Variants in CDH7 observed in about 807,000 individuals in gnomAD.
CDH7 encodes the protein cadherin-7.
In CDH7, 25 loss-of-function variants were observed where a neutral mutation model predicts 71.8. The observed-to-expected ratio is 0.35, with a 90% CI of 0.25 to 0.49. The LOEUF (loss-of-function observed/expected upper bound fraction) is 0.49, where lower values mean the gene tolerates loss of function less well. Among genes scored for constraint, CDH7 ranks in the 20% least tolerant of loss-of-function variants. The pLI is 0.99. For missense variants in CDH7, 862 were observed against 974.6 expected, an observed-to-expected ratio of 0.88 and a Z score of 1.54; for synonymous variants, 381 against 363.8, an observed-to-expected ratio of 1.05 and a Z score of -0.54.
intron 2 of CDH7, among the ~76,000 whole-genome samples, chr18:65,781,874 C>CTCTTTCTCTCTTTCTCTCTT (rs1297059165): frequency 8.8e-6 from 1 of 113,268 alleles, no homozygotes; most frequent in African/African-American, 4.0e-5. Context: ...TTCTCTCTCT[C>CTCTTTCTCTCTTTCTCTCTT]TCTCTGTCTC....
chr18:65,844,929 A>G (rs914027239), intron 7 of CDH7, among the ~76,000 whole-genome samples: 1 of 151,114 alleles, frequency 6.6e-6, no homozygotes, highest in Admixed American at 6.6e-5. Context: ...TAAAACAACA[A>G]TGATTGTTTT....
intron 11 of CDH7, among the ~76,000 whole-genome samples, chr18:65,875,096 A>G (rs1031529393): frequency 3.9e-5 from 6 of 152,206 alleles, no homozygotes; most frequent in Non-Finnish European, 7.3e-5. Context: ...GTCATCAGCT[A>G]TCATTAGTGT....
Position 65,810,117 on chromosome 18 carries a change from A to G in CDH7, c.505+119A>G, listed in dbSNP as rs1911480966. ...AAACCTTACTAGTATGTGTGTATTGATTGTCAGTTAGGGTGAGGGGAACAT... is the reference window on the plus strand; with the variant it reads ...AAACCTTACTAGTATGTGTGTATTGGTTGTCAGTTAGGGTGAGGGGAACAT... On this transcript the variant is annotated intron_variant, in intron 3 of 11. Coordinates refer to ENST00000397968, the MANE Select transcript of CDH7 (RefSeq NM_004361.5). The G allele has an allele frequency of 6.2e-6, 5 of 810,468 alleles. No homozygotes were observed. The African/African-American group carries it at 8.7e-5, about 14-fold the overall frequency. The allele number at this position is 810,468 out of a possible 1,614,324, so 50.2% of individuals were successfully genotyped here.
chr18:65,857,555 A>T (rs1913409717), intron 7 of CDH7, among the ~76,000 whole-genome samples: 1 of 151,926 alleles, frequency 6.6e-6, no homozygotes, highest in East Asian at 1.9e-4. Context: ...CTAATGACAT[A>T]TTCAAAGCCA....
chr18:65,759,267 G>C (rs538251142), intron 1 of CDH7, among the ~76,000 whole-genome samples: 65 of 145,478 alleles, frequency 4.5e-4, no homozygotes, highest in Non-Finnish European at 8.1e-4. Flanking sequence ...TTCTTTTGGA[G>C]ACAGAATCTC....
intron 6 of CDH7, among the ~76,000 whole-genome samples, chr18:65,826,003 A>C (rs1912115897): frequency 6.6e-6 from 1 of 151,768 alleles, no homozygotes; most frequent in African/African-American, 2.4e-5. Context: ...TATTGAACAA[A>C]TACCTATATT....
chr18:65,814,390 A>G lies in CDH7; in HGVS notation c.506-95A>G, dbSNP rs1204839440. On this transcript the variant is annotated intron_variant, in intron 3 of 11. Transcript: ENST00000397968. ...TGAAAAAGATAAATGAAAATTTTCA[A>G]ATAAGCTTAATGTGGAATCAGTAAC... is the stretch of plus-strand genomic sequence containing the variant. 32 of 1,384,892 alleles carry G rather than the reference A, an allele frequency of 2.3e-5. No homozygotes were observed. In the Admixed American group the frequency reaches 5.4e-4, roughly 24 times the overall value. 85.8% of individuals were successfully genotyped at this position (1,384,892 alleles called of 1,614,324 possible). A position where few individuals can be genotyped will look rare whatever the true frequency, so the allele number is the denominator to read the frequency against.
At chr18:65,878,208 T>C (rs1914125851) in intron 11 of CDH7, among the ~76,000 whole-genome samples, 1 of 152,172 alleles carries the variant, frequency 6.6e-6, no homozygotes, top group African/African-American at 2.4e-5. Context: ...TGCCTAGCCA[T>C]ATATGGTACA....
At chr18:65,815,022 A>AT (rs1285804938) in intron 4 of CDH7, among the ~76,000 whole-genome samples, 1 of 152,198 alleles carries the variant, frequency 6.6e-6, no homozygotes, top group East Asian at 1.9e-4. Flanking sequence ...TCCAGATGTT[A>AT]TTTTTCTCAG....
intron 4 of CDH7, among the ~76,000 whole-genome samples, chr18:65,817,029 G>C (rs990086816): frequency 6.6e-6 from 1 of 152,114 alleles, no homozygotes; most frequent in Non-Finnish European, 1.5e-5. Context: ...TGAACATGCA[G>C]GTCCTTTGTT....
chr18:65,807,991 G>C (rs1911387031), intron 2 of CDH7, among the ~76,000 whole-genome samples: 1 of 152,262 alleles, frequency 6.6e-6, no homozygotes, highest in African/African-American at 2.4e-5. Flanking sequence ...GGGGATGTGG[G>C]CTTTAGACCA....
chr18:65,876,149 C>T (rs1384850918), intron 11 of CDH7, among the ~76,000 whole-genome samples: 2 of 152,116 alleles, frequency 1.3e-5, no homozygotes, highest in Non-Finnish European at 2.9e-5. Context: ...ATACAGTCAA[C>T]AGTGTTGGAA....
At chr18:65,805,293 A>G (rs1911274547) in intron 2 of CDH7, among the ~76,000 whole-genome samples, 1 of 152,154 alleles carries the variant, frequency 6.6e-6, no homozygotes. Flanking sequence ...GCTGAATTGG[A>G]TGTCTGTGAG....
In CDH7 at chr18:65,809,962, C is replaced by G; in HGVS notation, c.469C>G (p.Pro157Ala). ...NDNEPKFLDG[P>A]YTAGVPEMSP... ...CAATGAACCCAAATTTTTGGATGGC[C>G]CATACACGGCAGGAGTTCCCGAAAT... The change falls in exon 3 of 12, where the codon CCA becomes GCA. Residue 157 changes from proline to alanine, a missense_variant. Coordinates refer to ENST00000397968, the MANE Select transcript of CDH7 (RefSeq NM_004361.5). 1 of 1,613,592 alleles carries G rather than the reference C, an allele frequency of 6.2e-7. No homozygotes were observed. Among genetic ancestry groups the G allele is most frequent in the Non-Finnish European group, 8.5e-7 (1 of 1,179,688 alleles).
At chr18:65,845,746 A>G (rs1912913196) in intron 7 of CDH7, among the ~76,000 whole-genome samples, 1 of 152,056 alleles carries the variant, frequency 6.6e-6, no homozygotes, top group Non-Finnish European at 1.5e-5. Flanking sequence ...ATTACTATAT[A>G]TCATAATTTA....
At chr18:65,842,967 T>C (rs1912791343) in intron 6 of CDH7, among the ~76,000 whole-genome samples, 1 of 152,150 alleles carries the variant, frequency 6.6e-6, no homozygotes, top group Non-Finnish European at 1.5e-5. Flanking sequence ...AAGCTGTTAC[T>C]TTCTGTATCC....
At chr18:65,856,290 T>G (rs1349555356) in intron 7 of CDH7, among the ~76,000 whole-genome samples, 1 of 152,162 alleles carries the variant, frequency 6.6e-6, no homozygotes, top group Non-Finnish European at 1.5e-5. Flanking sequence ...TATTATGGTT[T>G]GATGTCACTA....
intron 6 of CDH7, among the ~76,000 whole-genome samples, chr18:65,842,158 A>C (rs1335675499): frequency 6.6e-6 from 1 of 152,062 alleles, no homozygotes; most frequent in Admixed American, 6.6e-5. Flanking sequence ...TTGTACACTG[A>C]ATATCTGTGT....
intron 2 of CDH7, among the ~76,000 whole-genome samples, chr18:65,774,437 C>T (rs1916637817): frequency 3.9e-5 from 6 of 151,906 alleles, no homozygotes; most frequent in Admixed American, 3.3e-4. Context: ...TTTGCTTACC[C>T]TTCCCTTCAG....
Sources: allele counts gnomAD v4.1 joint callset (sites outside exome capture counted in the v4.1 genomes callset), GRCh38; gene constraint gnomAD v4.1.1; transcripts MANE v1.5; gene names NCBI Gene and HGNC (gene_info 2026-07-23, HGNC 2026-07-21).